Variants in SUPT3H observed in about 807,000 individuals in gnomAD.
SUPT3H encodes the protein transcription initiation protein SPT3 homolog.
Under a neutral mutation model 44.3 loss-of-function variants are expected in SUPT3H, and 44 were observed. That is an observed-to-expected ratio of 0.99 (90% CI 0.78 to 1.28). The LOEUF (loss-of-function observed/expected upper bound fraction) is 1.28. SUPT3H is among the 50% of genes most tolerant of loss of function. SUPT3H has a pLI of 0.00. For missense variants in SUPT3H, 380 were observed against 387.1 expected (o/e 0.98, Z 0.15); for synonymous variants, 124 against 125.6 (o/e 0.99, Z 0.09).
chr6:45,012,747 T>A (rs972866482), intron 5 of SUPT3H, among the ~76,000 whole-genome samples: 2 of 152,130 alleles, frequency 1.3e-5, no homozygotes, highest in Non-Finnish European at 2.9e-5. Flanking sequence ...TTTGTTGTTG[T>A]TGTTGAAAAG....
At chr6:44,872,499 T>A (rs372949860) in intron 10 of SUPT3H, among the ~76,000 whole-genome samples, 2 of 151,164 alleles carry the variant, frequency 1.3e-5, no homozygotes, top group African/African-American at 4.9e-5. Flanking sequence ...CTGAAGGAAG[T>A]GCTAAACATG....
chr6:44,930,573 A>G (rs1770425056), intron 10 of SUPT3H, among the ~76,000 whole-genome samples: 1 of 151,264 alleles, frequency 6.6e-6, no homozygotes, highest in African/African-American at 2.4e-5. Flanking sequence ...TCAAAAAAAA[A>G]AAAAAAAAAA....
At chr6:45,063,404 C>T (rs567745411) in intron 3 of SUPT3H, among the ~76,000 whole-genome samples, 4 of 151,078 alleles carry the variant, frequency 2.6e-5, no homozygotes, top group African/African-American at 9.9e-5. Context: ...CAGAGCGTCT[C>T]TCCTCCTCCA....
intron 2 of SUPT3H, among the ~76,000 whole-genome samples, chr6:45,309,340 C>T (rs373840275): frequency 4.4e-4 from 66 of 151,244 alleles, no homozygotes; most frequent in Middle Eastern, 3.4e-3. Flanking sequence ...AATTCCAAAG[C>T]CGAAAAACAC....
At chr6:45,176,981 GAA>G (rs370429928) in intron 2 of SUPT3H, among the ~76,000 whole-genome samples, 2 of 152,160 alleles carry the variant, frequency 1.3e-5, no homozygotes, top group African/African-American at 4.8e-5. Context: ...AAACAGAGCA[GAA>G]AAACTGGAAA....
rs747035626 is a variant in SUPT3H, at chr6:44,909,124, G to GGT, written c.912+23527_912+23528dup. ...TCTTTCTGCTGCTCTATACCTAAGA[G>GGT]GTGTGTGTGTGTGTGTGCGTGTGTG... On this transcript the variant is annotated intron_variant, in intron 10 of 10. Coordinates refer to ENST00000371459, the MANE Select transcript of SUPT3H (RefSeq NM_003599.4). 9.1e-4 allele frequency among the ~76,000 whole-genome samples: 106 copies of GGT among 117,096 alleles called. 1 individual carries two copies. The highest frequency in any genetic ancestry group is 7.9e-3 in the East Asian group (32 of 4,040). 76.8% of individuals were successfully genotyped at this position (117,096 alleles called of 152,430 possible). A position where few individuals can be genotyped will look rare whatever the true frequency, so the allele number is the denominator to read the frequency against.
At chr6:45,195,996 TGGCATATAGTA>T (rs532415095) in intron 2 of SUPT3H, among the ~76,000 whole-genome samples, 200 of 152,248 alleles carry the variant, frequency 1.3e-3, no homozygotes, top group African/African-American at 4.6e-3. Flanking sequence ...TGCCAGTAGC[TGGCATATAGTA>T]ACAAATATTT....
chr6:44,967,063 A>G (rs1425658585), intron 6 of SUPT3H, among the ~76,000 whole-genome samples: 2 of 152,254 alleles, frequency 1.3e-5, no homozygotes, highest in Non-Finnish European at 2.9e-5. Context: ...AAAATATGCA[A>G]CATACTTAGA....
chr6:45,096,339 T>G (rs185628113), intron 3 of SUPT3H, among the ~76,000 whole-genome samples: 5 of 152,200 alleles, frequency 3.3e-5, no homozygotes, highest in African/African-American at 9.6e-5. Context: ...TGTTCTAATC[T>G]GTTCTTGAAA....
chr6:45,285,255 G>A (rs1175913116), intron 2 of SUPT3H, among the ~76,000 whole-genome samples: 13 of 151,726 alleles, frequency 8.6e-5, no homozygotes, highest in Non-Finnish European at 8.8e-5. Flanking sequence ...CAATCAGGCA[G>A]GAGAAGGAAA....
At chr6:44,982,183 T>C (rs1300755340) in intron 6 of SUPT3H, among the ~76,000 whole-genome samples, 2 of 112,728 alleles carry the variant, frequency 1.8e-5, no homozygotes, top group African/African-American at 5.5e-5. Context: ...AATGATTCTT[T>C]TTGTTTGTTT....
intron 2 of SUPT3H, among the ~76,000 whole-genome samples, chr6:45,307,486 C>T (rs1783231023): frequency 6.6e-6 from 1 of 152,204 alleles, no homozygotes; most frequent in South Asian, 2.1e-4. Flanking sequence ...GCAGCCTCCG[C>T]TGCTGATACC....
At chr6:45,027,338 CCTTCCTCATTTA>C (rs1320890924) in intron 3 of SUPT3H, among the ~76,000 whole-genome samples, 1 of 152,036 alleles carries the variant, frequency 6.6e-6, no homozygotes, top group Non-Finnish European at 1.5e-5. Context: ...TTTCTCATTT[CCTTCCTCATTTA>C]CTTCCTCATT....
intron 2 of SUPT3H, among the ~76,000 whole-genome samples, chr6:45,235,725 G>A (rs923493200): frequency 6.6e-6 from 1 of 152,104 alleles, no homozygotes; most frequent in Admixed American, 6.5e-5. Flanking sequence ...GGCAGATTAG[G>A]AGTGTGCTGG....
Position 45,113,597 on chromosome 6 carries a change from G to A in SUPT3H, c.102-7591C>T, listed in dbSNP as rs147315914. 1.8e-4 allele frequency among the ~76,000 whole-genome samples: 28 copies of A among 152,172 alleles called. No homozygotes were observed. The East Asian group carries it at 4.5e-3, about 24-fold the overall frequency. On this transcript the variant is annotated intron_variant, in intron 2 of 10. Coordinates refer to ENST00000371459, the MANE Select transcript of SUPT3H (RefSeq NM_003599.4). The stretch of plus-strand genomic sequence containing the variant: ...CCCCAGCACTTTGGGAGGCCAAGGT[G>A]GGTAGATCACCTGAGGTCAGGAGTT...
chr6:45,199,581 A>G (rs1762151447), intron 2 of SUPT3H, among the ~76,000 whole-genome samples: 1 of 151,434 alleles, frequency 6.6e-6, no homozygotes, highest in Admixed American at 6.6e-5. Context: ...TCAGGCAACC[A>G]ACCCCACTAA....
At chr6:45,102,090 C>G (rs1213927891) in intron 3 of SUPT3H, among the ~76,000 whole-genome samples, 1 of 151,764 alleles carries the variant, frequency 6.6e-6, no homozygotes, top group Non-Finnish European at 1.5e-5. Context: ...TTTGACAAAA[C>G]ATAAAGAACT....
At chr6:44,838,512 G>A (rs777628973) in intron 10 of SUPT3H, among the ~76,000 whole-genome samples, 5 of 152,134 alleles carry the variant, frequency 3.3e-5, no homozygotes, top group African/African-American at 7.2e-5. Flanking sequence ...GGAAGGGGAT[G>A]GGTTCAGGGG....
chr6:45,216,729 G>A (rs958926498), intron 2 of SUPT3H, among the ~76,000 whole-genome samples: 9 of 152,100 alleles, frequency 5.9e-5, no homozygotes, highest in African/African-American at 1.9e-4. Flanking sequence ...AATGATAAAT[G>A]GATCAAAACT....
Sources: gnomAD v4.1 joint callset for allele counts (sites outside exome capture counted in the v4.1 genomes callset) on GRCh38, gnomAD v4.1.1 for gene constraint, MANE v1.5 for transcripts, NCBI Gene and HGNC (gene_info 2026-07-23, HGNC 2026-07-21) for gene names.